The following LHFPL3 variants were observed in gnomAD, a reference collection of about 807,000 sequenced individuals.
LHFPL3 encodes LHFPL tetraspan subfamily member 3.
A neutral mutation model predicts 19.3 loss-of-function variants in LHFPL3; 5 were observed. The ratio of observed to expected loss-of-function variants is 0.26; its 90% CI spans 0.14 to 0.54. The LOEUF (loss-of-function observed/expected upper bound fraction) is 0.54, where lower values mean the gene tolerates loss of function less well. Ranked by LOEUF, LHFPL3 falls within the 20% of genes least tolerant of loss-of-function variation. The pLI is 0.94. For synonymous variants in LHFPL3, 133 were observed against 126.2 expected, an observed-to-expected ratio of 1.05 and a Z score of -0.36; for missense variants, 249 against 307.4, an observed-to-expected ratio of 0.81 and a Z score of 1.42.
At chr7:104,728,004 A>G (rs937740306) in intron 1 of LHFPL3, among the ~76,000 whole-genome samples, 137 of 152,206 alleles carry the variant, frequency 9.0e-4, no homozygotes, top group Non-Finnish European at 5.9e-4. Flanking sequence ...GGGCGTGTCA[A>G]TAATACCTAC....
intron 1 of LHFPL3, among the ~76,000 whole-genome samples, chr7:104,415,401 A>C (rs1488487703): frequency 6.6e-6 from 1 of 152,174 alleles, no homozygotes; most frequent in Non-Finnish European, 1.5e-5. Flanking sequence ...CTGATTTTTA[A>C]TTTCCTATTA....
chr7:104,376,388 A>G (rs987763209), intron 1 of LHFPL3, among the ~76,000 whole-genome samples: 1 of 152,238 alleles, frequency 6.6e-6, no homozygotes, highest in Admixed American at 6.5e-5. Flanking sequence ...AGAAGTTGTT[A>G]TATAGGATGT....
intron 2 of LHFPL3, among the ~76,000 whole-genome samples, chr7:104,894,163 A>G (rs904533252): frequency 6.6e-6 from 1 of 152,160 alleles, no homozygotes; most frequent in Non-Finnish European, 1.5e-5. Flanking sequence ...TGTTATCCTT[A>G]CAGTGGTATG....
At chr7:104,709,334 C>T (rs1019103214) in intron 1 of LHFPL3, among the ~76,000 whole-genome samples, 1 of 131,618 alleles carries the variant, frequency 7.6e-6, no homozygotes, top group African/African-American at 2.6e-5. Context: ...AGCAGATAAA[C>T]ACGTGAACAA....
At chr7:104,832,198 C>T (rs1415952250) in intron 2 of LHFPL3, among the ~76,000 whole-genome samples, 1 of 151,934 alleles carries the variant, frequency 6.6e-6, no homozygotes, top group Admixed American at 6.6e-5. Flanking sequence ...TTAGATGCAC[C>T]GGATAATTGT....
chr7:104,404,336 A>G (rs1043147853), intron 1 of LHFPL3, among the ~76,000 whole-genome samples: 12 of 152,246 alleles, frequency 7.9e-5, no homozygotes, highest in African/African-American at 2.9e-4. Flanking sequence ...TTTTTAAAAT[A>G]AAATGACATT....
At chr7:104,811,567 A>T (rs749140903) in intron 2 of LHFPL3, among the ~76,000 whole-genome samples, 3 of 151,974 alleles carry the variant, frequency 2.0e-5, no homozygotes, top group Non-Finnish European at 2.9e-5. Flanking sequence ...TATATCCCCA[A>T]TCCTAGAAGG....
At chr7:104,563,260 G>T (rs1445791638) in intron 1 of LHFPL3, among the ~76,000 whole-genome samples, 1 of 152,280 alleles carries the variant, frequency 6.6e-6, no homozygotes, top group South Asian at 2.1e-4. Flanking sequence ...CCTGGGCAAT[G>T]GCGGGCGCCC....
At chr7:104,553,324 G>A (rs143068635) in intron 1 of LHFPL3, among the ~76,000 whole-genome samples, 17 of 152,270 alleles carry the variant, frequency 1.1e-4, no homozygotes, top group Non-Finnish European at 2.4e-4. Flanking sequence ...CAACTGTACT[G>A]TAAGGCACAA....
At chr7:104,373,173 T>C (rs1790646474) in intron 1 of LHFPL3, among the ~76,000 whole-genome samples, 1 of 152,198 alleles carries the variant, frequency 6.6e-6, no homozygotes, top group South Asian at 2.1e-4. Context: ...AAGACCTTTC[T>C]CCCCTGTGAC....
intron 1 of LHFPL3, among the ~76,000 whole-genome samples, chr7:104,381,736 T>G (rs1051434785): frequency 6.6e-6 from 1 of 152,224 alleles, no homozygotes; most frequent in Non-Finnish European, 1.5e-5. Context: ...CTGATGAATC[T>G]CTAATCATCC....
At chr7:104,636,898 C>A (rs969098427) in intron 1 of LHFPL3, among the ~76,000 whole-genome samples, 1 of 152,144 alleles carries the variant, frequency 6.6e-6, no homozygotes, top group African/African-American at 2.4e-5. Flanking sequence ...TGGGTATATA[C>A]CCTGTAATTG....
At chr7:104,427,843 C>T (rs1464010572) in intron 1 of LHFPL3, among the ~76,000 whole-genome samples, 2 of 152,196 alleles carry the variant, frequency 1.3e-5, no homozygotes, top group African/African-American at 4.8e-5. Context: ...TGTTTCAATT[C>T]AAGCAATCAC....
intron 2 of LHFPL3, among the ~76,000 whole-genome samples, chr7:104,839,230 T>TA (rs1338013825): frequency 1.3e-5 from 2 of 152,158 alleles, no homozygotes; most frequent in Non-Finnish European, 2.9e-5. Flanking sequence ...GGTAAGATTG[T>TA]AAAACAGGGA....
At chr7:104,773,618 G>C (rs376984886) in intron 2 of LHFPL3, among the ~76,000 whole-genome samples, 1 of 152,200 alleles carries the variant, frequency 6.6e-6, no homozygotes, top group East Asian at 1.9e-4. Flanking sequence ...AAATAGGGTT[G>C]TTGCATATGA....
At position 104,907,682 on chromosome 7, in the gene LHFPL3, T is replaced by C. The variant is rs929978891; in HGVS notation, c.*1467T>C. Among the ~76,000 whole-genome samples, 6 of 152,230 alleles carry C rather than the reference T, an allele frequency of 3.9e-5. No individual in the cohort carries two copies. Among genetic ancestry groups the C allele is most frequent in the Non-Finnish European group, 5.9e-5 (4 of 68,032 alleles). ...CATGTAGAATGCTTTTATTCATGTA[T>C]TCAAAATCAGAACAAATCAGTGTAT... On this transcript the variant is annotated 3_prime_UTR_variant, in exon 3 of 3. Transcript: ENST00000424859.
At chr7:104,774,156 G>A (rs1562988680) in intron 2 of LHFPL3, among the ~76,000 whole-genome samples, 1 of 152,250 alleles carries the variant, frequency 6.6e-6, no homozygotes, top group Non-Finnish European at 1.5e-5. Context: ...ATAGGGATGG[G>A]AAGAGAGAAA....
At chr7:104,822,621 C>G (rs2116527487) in intron 2 of LHFPL3, among the ~76,000 whole-genome samples, 1 of 152,260 alleles carries the variant, frequency 6.6e-6, no homozygotes, top group Non-Finnish European at 1.5e-5. Flanking sequence ...TTGAGAAGCT[C>G]TGTGGTCCAG....
chr7:104,766,440 T>C (rs1405063945), intron 2 of LHFPL3, among the ~76,000 whole-genome samples: 1 of 152,198 alleles, frequency 6.6e-6, no homozygotes, highest in African/African-American at 2.4e-5. Context: ...CTCCACCTTG[T>C]ACATTTTCTA....
Sources: allele counts gnomAD v4.1 joint callset (sites outside exome capture counted in the v4.1 genomes callset), GRCh38; gene constraint gnomAD v4.1.1; transcripts MANE v1.5; gene names NCBI Gene and HGNC (gene_info 2026-07-23, HGNC 2026-07-21).